The following PUM1 variants were observed in gnomAD, a reference collection of about 807,000 sequenced individuals.
PUM1 encodes the protein pumilio RNA binding family member 1.
Under a neutral mutation model 131.8 loss-of-function variants are expected in PUM1, and 13 were observed. The ratio of observed to expected loss-of-function variants is 0.10; its 90% CI spans 0.06 to 0.16. PUM1 has a LOEUF of 0.16. Ranked by LOEUF, PUM1 falls within the 10% of genes least tolerant of loss-of-function variation. PUM1 has a pLI of 1.00. For synonymous variants in PUM1, 509 were observed against 556.5 expected (o/e 0.91, Z 1.20); for missense variants, 961 against 1,512.4 (o/e 0.64, Z 6.05).
Position 30,980,079 on chromosome 1 carries a change from G to A in PUM1, c.1337C>T (p.Ala446Val). 6.2e-7 allele frequency: 1 copy of A among 1,607,996 alleles called. No homozygotes were observed. The highest frequency in any genetic ancestry group is 8.5e-7 in the Non-Finnish European group (1 of 1,177,378). Residue 446 changes from alanine to valine, a missense_variant, in exon 9 of 22, where the codon GCT becomes GTT. Around this residue, in one of 4 missense-constraint regions of PUM1, gnomAD observed 654 missense variants for 923.9 expected, o/e 0.71. Transcript: ENST00000426105. ...TGTCTCACCTAGTGTCGCTGCTGCA[G>A]CCAATCCAGCTGTGTAGGGGTCCGT... is the stretch of plus-strand genomic sequence containing the variant. The part of the protein sequence containing the change: ...PGTDPYTAGL[A>V]AAATLGPAVV...
intron 7 of PUM1, 89 bp from the exon 8 acceptor site, chr1:30,981,494 A>G: frequency 1.4e-6 from 1 of 709,442 alleles, no homozygotes; most frequent in South Asian, 2.0e-5. Flanking sequence ...TTTAATAAGC[A>G]CTTGTTTAGG....
chr1:30,956,934 T>C (rs532927008), intron 14 of PUM1, among the ~76,000 whole-genome samples: 3 of 151,018 alleles, frequency 2.0e-5, no homozygotes, highest in East Asian at 1.9e-4. Context: ...TCTGTTATTA[T>C]GGGCAAAAAC....
chr1:30,994,168 C>T (rs1236078299), intron 6 of PUM1, among the ~76,000 whole-genome samples: 3 of 152,182 alleles, frequency 2.0e-5, no homozygotes, highest in African/African-American at 7.2e-5. Flanking sequence ...TACAAAACAA[C>T]TGACACTTGT....
intron 5 of PUM1, 86 bp downstream of exon 5, chr1:31,005,767 G>C: frequency 7.8e-7 from 1 of 1,284,984 alleles, no homozygotes; most frequent in Non-Finnish European, 1.1e-6. Context: ...AACTAAACAG[G>C]CATGTTTTGC....
At position 31,059,455 on chromosome 1, in the gene PUM1, AAAC is replaced by A. The variant is rs773165421; in HGVS notation, c.109_111del (p.Val37del). 1.9e-6 allele frequency: 3 copies of A among 1,614,096 alleles called. No individual in the cohort carries two copies. The African/African-American group carries it at 4.0e-5, about 22-fold the overall frequency. On this transcript the variant is annotated inframe_deletion, in exon 2 of 22. Coordinates refer to ENST00000426105, the MANE Select transcript of PUM1 (RefSeq NM_001020658.2). ...GCTTGCGACCCTGTTCCAGATGTCA[AAAC>A]AACAGGCATGTTGGGATTAGCTGGT...
rs547017047 is a variant in PUM1, at chr1:30,948,892, A to G, written c.2856+1235T>C. 5.9e-5 allele frequency among the ~76,000 whole-genome samples: 9 copies of G among 152,350 alleles called. No individual in the cohort carries two copies. The East Asian group carries it at 1.7e-3, about 29-fold the overall frequency. On this transcript the variant is annotated intron_variant, in intron 17 of 21. Transcript: ENST00000426105. ...TTCACACTTGCTTCTAATTACTTATACTTTCTTATTAATGCTACATCTCTA... is the reference window on the plus strand; with the variant it reads ...TTCACACTTGCTTCTAATTACTTATGCTTTCTTATTAATGCTACATCTCTA...
At chr1:31,020,174 C>T (rs1473801424) in intron 3 of PUM1, among the ~76,000 whole-genome samples, 4 of 152,126 alleles carry the variant, frequency 2.6e-5, no homozygotes, top group African/African-American at 4.8e-5. Flanking sequence ...ATTTGGATTT[C>T]TGTTCCAGTG....
At chr1:30,980,014 T>A (rs766009026) in intron 9 of PUM1, 48 bp downstream of exon 9, 2 of 1,351,962 alleles carry the variant, frequency 1.5e-6, no homozygotes, top group Non-Finnish European at 2.1e-6. Context: ...CCATCTCAAA[T>A]GACTTTTCAG....
At chr1:30,989,354 C>G (rs557507053) in intron 7 of PUM1, among the ~76,000 whole-genome samples, 113 of 152,084 alleles carry the variant, frequency 7.4e-4, no homozygotes, top group African/African-American at 2.7e-3. Flanking sequence ...GGCAGATCAC[C>G]TGAGGTCAGG....
chr1:30,950,943 T>C lies in PUM1; in HGVS notation c.2722-682A>G, dbSNP rs12080402. The stretch of plus-strand genomic sequence containing the variant: ...ATAGTATTCTACATCATTAAGAGAA[T>C]TGATTTTTTTTTCTCCTATTTACAC... On this transcript the variant is annotated intron_variant, in intron 16 of 21. Coordinates refer to ENST00000426105, the MANE Select transcript of PUM1 (RefSeq NM_001020658.2). Among the ~76,000 whole-genome samples the C allele has an allele frequency of 1.8e-3, 269 of 152,318 alleles. 2 individuals are homozygous for C. The highest frequency in any genetic ancestry group is 5.4e-3 in the African/African-American group (226 of 41,536).
chr1:31,035,589 T>C (rs1454478913), intron 2 of PUM1, among the ~76,000 whole-genome samples: 1 of 151,010 alleles, frequency 6.6e-6, no homozygotes, highest in Non-Finnish European at 1.5e-5. Flanking sequence ...CCGTCTCTAC[T>C]AAAAATACAA....
intron 17 of PUM1, among the ~76,000 whole-genome samples, chr1:30,946,818 AG>A (rs1295135130): frequency 6.6e-6 from 1 of 152,060 alleles, no homozygotes; most frequent in Admixed American, 6.6e-5. Flanking sequence ...CTGAGGTGGG[AG>A]GATCACCTGA....
At chr1:30,994,665 G>C (rs570505429) in intron 6 of PUM1, among the ~76,000 whole-genome samples, 1 of 152,180 alleles carries the variant, frequency 6.6e-6, no homozygotes, top group East Asian at 1.9e-4. Flanking sequence ...TAAACCACCA[G>C]AGGGATATGA....
At chr1:30,980,259 A>G (rs1188399502) in intron 8 of PUM1, 96 bp from the exon 9 acceptor site, 18 of 965,602 alleles carry the variant, frequency 1.9e-5, no homozygotes, top group Non-Finnish European at 2.7e-5. Flanking sequence ...CAGACAGTAG[A>G]TAAGGAAAAA....
chr1:30,968,995 G>A (rs1322491283), intron 10 of PUM1, among the ~76,000 whole-genome samples: 3 of 152,136 alleles, frequency 2.0e-5, no homozygotes. Flanking sequence ...GACAAAAAGT[G>A]GGTGAAGAAA....
rs888123073 is a variant in PUM1, at chr1:31,043,378, TTTTTTGTA to T, written c.364-14522_364-14515del. On this transcript the variant is annotated intron_variant, in intron 2 of 21. Transcript: ENST00000426105. ...CCCATCATGTCCGGCTAATTTTTTT[TTTTTTGTA>T]TTTTTGTATTTTTGTAGAGATGGGG... Among the ~76,000 whole-genome samples, 86 of 151,882 alleles carry T rather than the reference TTTTTTGTA, an allele frequency of 5.7e-4. No homozygotes were observed. In the East Asian group the frequency reaches 0.014, roughly 25 times the overall value.
At chr1:30,967,029 G>T in intron 12 of PUM1, 138 bp downstream of exon 12, 9 of 998,566 alleles carry the variant, frequency 9.0e-6, no homozygotes, top group South Asian at 2.0e-5. Context: ...TATTGCTTCT[G>T]ATCTCTTTTT....
In PUM1 at chr1:30,985,557, CAGA is replaced by C. The variant is rs576853332; in HGVS notation, c.1159-4155_1159-4153del. 9.5e-5 allele frequency among the ~76,000 whole-genome samples: 14 copies of C among 147,040 alleles called. No homozygotes were observed. The East Asian group carries it at 2.4e-3, about 26-fold the overall frequency. ...ATCCCAGTTACTCGGGAGGCTGAGG[CAGA>C]AGAATTGCTTGAACCCAGGAGGCGG... On this transcript the variant is annotated intron_variant, in intron 7 of 21. Coordinates refer to ENST00000426105, the MANE Select transcript of PUM1 (RefSeq NM_001020658.2).
chr1:30,981,704 GATATCT>G lies in PUM1; in HGVS notation c.1159-305_1159-300del, dbSNP rs968116904. Among the ~76,000 whole-genome samples the G allele has an allele frequency of 3.0e-4, 44 of 147,970 alleles. 1 individual carries two copies. The highest frequency in any genetic ancestry group is 7.1e-3 in the Middle Eastern group (2 of 282). On this transcript the variant is annotated intron_variant, in intron 7 of 21. Coordinates refer to ENST00000426105, the MANE Select transcript of PUM1 (RefSeq NM_001020658.2). ...CTCACACACACACACACACATATGA[GATATCT>G]ATATCTATATCTATATATCTATCTA... is the stretch of plus-strand genomic sequence containing the variant.
Sources: gnomAD v4.1 joint callset for allele counts (sites outside exome capture counted in the v4.1 genomes callset) on GRCh38, gnomAD v4.1.1 for gene constraint, gnomAD v4.1.1 regional missense constraint, MANE v1.5 for transcripts, NCBI Gene and HGNC (gene_info 2026-07-23, HGNC 2026-07-21) for gene names.